Variants in GP1BB observed in about 807,000 individuals in gnomAD.
GP1BB encodes the protein glycoprotein Ib platelet subunit beta.
A neutral mutation model predicts 2.5 loss-of-function variants in GP1BB; 3 were observed. The observed-to-expected ratio is 1.22, with a 90% CI of 0.56 to 3.15. GP1BB has a LOEUF of 3.15. GP1BB is among the 30% of genes most tolerant of loss of function. The probability of loss-of-function intolerance (pLI) is 0.03; values close to 1 mark genes in which losing one functional copy is unlikely to be tolerated. For missense variants in GP1BB, 316 were observed against 307.0 expected, an observed-to-expected ratio of 1.03 and a Z score of -0.22; for synonymous variants, 191 against 167.5, an observed-to-expected ratio of 1.14 and a Z score of -1.08.
Position 19,724,035 on chromosome 22 carries a change from C to A in GP1BB, c.192C>A (p.Gly64=). 6.6e-7 allele frequency: 1 copy of A among 1,525,448 alleles called. No individual in the cohort carries two copies. The highest frequency in any genetic ancestry group is 8.7e-7 in the Non-Finnish European group (1 of 1,143,090). The allele number at this position is 1,525,448 out of a possible 1,614,324, so 94.5% of individuals were successfully genotyped here. A position where few individuals can be genotyped will look rare whatever the true frequency, so the allele number is the denominator to read the frequency against. Reference sequence around the variant, plus strand: ...ACACAACCGAGCTGGTGCTGACCGGCAACAACCTGACGGCGCTGCCGCCGG... The same window carrying A: ...ACACAACCGAGCTGGTGCTGACCGGAAACAACCTGACGGCGCTGCCGCCGG... ...PVDTTELVLT[G]NNLTALPPGL... Residue 64 remains glycine, a synonymous_variant, in exon 2 of 2, where the codon GGC becomes GGA. Coordinates refer to ENST00000366425, the MANE Select transcript of GP1BB (RefSeq NM_000407.5).
In GP1BB at chr22:19,723,896, C is replaced by A; in HGVS notation, c.53C>A (p.Pro18Gln). 6.6e-7 allele frequency: 1 copy of A among 1,521,864 alleles called. No individual in the cohort carries two copies. The highest frequency in any genetic ancestry group is 1.2e-5 in the South Asian group (1 of 82,740). The allele number at this position is 1,521,864 out of a possible 1,614,324, so 94.3% of individuals were successfully genotyped here. ...AGCTTACTGCTCCTGCTGCTGGCCC[C>A]GCCGAGCCGCCCGGCCGCAGGTTGC... ...ALSLLLLLLA[P>Q]PSRPAAGCPA... The change falls in exon 2 of 2, where the codon CCG (proline) becomes CAG (glutamine). Residue 18 changes from proline (P) to glutamine (Q), a missense_variant. Physicochemically the swap from Pro to Gln is moderately conservative, Grantham distance 76. Coordinates refer to ENST00000366425, the MANE Select transcript of GP1BB (RefSeq NM_000407.5).
chr22:19,724,241 C>G lies in GP1BB; in HGVS notation c.398C>G (p.Ala133Gly), dbSNP rs1192198635. The change falls in exon 2 of 2, where the codon GCC becomes GGC. Residue 133 changes from alanine to glycine, a missense_variant. Transcript: ENST00000366425. ...ALRGRLLPYL[A>G]EDELRAACAP... is the part of the protein sequence containing the mutation. The stretch of plus-strand genomic sequence containing the variant: ...CGCGGCCGCCTGCTGCCCTATCTGG[C>G]CGAGGACGAGCTGCGCGCCGCTTGC... The G allele has an allele frequency of 1.6e-6, 2 of 1,240,426 alleles. No homozygotes were observed. Among genetic ancestry groups the G allele is most frequent in the Non-Finnish European group, 2.0e-6 (2 of 996,180 alleles). 76.8% of individuals were successfully genotyped at this position (1,240,426 alleles called of 1,614,324 possible). A position where few individuals can be genotyped will look rare whatever the true frequency, so the allele number is the denominator to read the frequency against.
At position 19,724,735 on chromosome 22, in the gene GP1BB, T is replaced by G. The variant is rs1160742067; in HGVS notation, c.*271T>G. ...GGTCCAGACCCTGCTGCGTCTCCCTTCCAAACTCTGGTGCTGAATAAACCC... is the reference window on the plus strand; with the variant it reads ...GGTCCAGACCCTGCTGCGTCTCCCTGCCAAACTCTGGTGCTGAATAAACCC... On this transcript the variant is annotated 3_prime_UTR_variant, in exon 2 of 2. Transcript: ENST00000366425. The G allele has an allele frequency of 3.9e-6, 2 of 509,374 alleles. No individual in the cohort carries two copies. The highest frequency in any genetic ancestry group is 6.6e-5 in the Admixed American group (2 of 30,424). The allele number at this position is 509,374 out of a possible 1,614,324, so 31.6% of individuals were successfully genotyped here.
rs1403845044 is a variant in GP1BB at position 19,724,426 on chromosome 22, C to G, written c.583C>G (p.Pro195Ala). 6.5e-7 allele frequency: 1 copy of G among 1,544,416 alleles called. No individual in the cohort carries two copies. Among genetic ancestry groups the G allele is most frequent in the South Asian group, 1.2e-5 (1 of 83,822 alleles). The change falls in exon 2 of 2, where the codon CCG (proline) becomes GCG (alanine). Residue 195 changes from proline (P) to alanine (A), a missense_variant. Physicochemically the swap from Pro to Ala is conservative, Grantham distance 27. Coordinates refer to ENST00000366425, the MANE Select transcript of GP1BB (RefSeq NM_000407.5). ...CGCAGCCCGGCTGTCGCTGACCGAC[C>G]CGCTGGTGGCCGAGCGAGCCGGAAC... Reference protein sequence around the residue: ...RAAARLSLTDPLVAERAGTDE... With the variant: ...RAAARLSLTDALVAERAGTDE...
Position 19,724,450 on chromosome 22 carries a change from AC to A in GP1BB, c.609del (p.Asp204ThrfsTer11). The A allele has an allele frequency of 6.5e-7, 1 of 1,543,182 alleles. No individual in the cohort carries two copies. On this transcript the variant is annotated frameshift_variant, in exon 2 of 2. Coordinates refer to ENST00000366425, the MANE Select transcript of GP1BB (RefSeq NM_000407.5). LOFTEE classifies it high-confidence loss of function. ...CCCGCTGGTGGCCGAGCGAGCCGGA[AC>A]CGACGAGTCCTGAGGAGAGAACCGG... ...TDPLVAERAG[T>X]DES
At chr22:19,723,820 G>A (rs1936107637) in intron 1 of GP1BB, 34 bp from the exon 2 acceptor site, 2 of 1,511,386 alleles carry the variant, frequency 1.3e-6, no homozygotes, top group South Asian at 1.2e-5. Context: ...GGTGCCCGCC[G>A]ACCGCTCGGC....
chr22:19,724,570 C>T lies in GP1BB; in HGVS notation c.*106C>T. On this transcript the variant is annotated 3_prime_UTR_variant, in exon 2 of 2. Coordinates refer to ENST00000366425, the MANE Select transcript of GP1BB (RefSeq NM_000407.5). ...GGCCCTCGCGCCAACCTGGACCGGTCCCCGCCTCCTCCGCTGCCCAATCTC... is the reference window on the plus strand; with the variant it reads ...GGCCCTCGCGCCAACCTGGACCGGTTCCCGCCTCCTCCGCTGCCCAATCTC... 1 of 811,078 alleles carries T rather than the reference C, an allele frequency of 1.2e-6. No homozygotes were observed. Among genetic ancestry groups the T allele is most frequent in the Non-Finnish European group, 2.1e-6 (1 of 480,784 alleles). 50.2% of individuals were successfully genotyped at this position (811,078 alleles called of 1,614,324 possible). A position where few individuals can be genotyped will look rare whatever the true frequency, so the allele number is the denominator to read the frequency against.
In GP1BB at chr22:19,724,347, G is replaced by A; in HGVS notation, c.504G>A (p.Leu168=). The change falls in exon 2 of 2, where the codon CTG becomes CTA. Residue 168 remains leucine, a synonymous_variant. Coordinates refer to ENST00000366425, the MANE Select transcript of GP1BB (RefSeq NM_000407.5). ...LGLGLLHALL[L]VLLLCRLRRL... ...TTGGGCTGCTGCACGCGTTGCTGCT[G>A]GTGCTGCTGCTGTGCCGCCTGCGGA... The A allele has an allele frequency of 1.4e-6, 2 of 1,470,942 alleles. No homozygotes were observed. The highest frequency in any genetic ancestry group is 1.5e-5 in the African/African-American group (1 of 67,536). The allele number at this position is 1,470,942 out of a possible 1,614,324, so 91.1% of individuals were successfully genotyped here. A position where few individuals can be genotyped will look rare whatever the true frequency, so the allele number is the denominator to read the frequency against.
At chr22:19,723,690 G>GGACT (rs1936104140) in intron 1 of GP1BB, 111 bp downstream of exon 1, 1 of 1,384,750 alleles carries the variant, frequency 7.2e-7, no homozygotes, top group South Asian at 1.3e-5. Flanking sequence ...GACTTAGAGG[G>GGACT]GACTTCCAGC....
Position 19,724,707 on chromosome 22 carries a change from T to A in GP1BB, c.*243T>A. The A allele has an allele frequency of 1.8e-6, 1 of 570,334 alleles. No individual in the cohort carries two copies. The highest frequency in any genetic ancestry group is 2.9e-5 in the Admixed American group (1 of 35,014). 35.3% of individuals were successfully genotyped at this position (570,334 alleles called of 1,614,324 possible). On this transcript the variant is annotated 3_prime_UTR_variant, in exon 2 of 2. Transcript: ENST00000366425. ...GGCTTGGGAGGACCATGGGGCACAA[T>A]GCGGTCCAGACCCTGCTGCGTCTCC...
In GP1BB at chr22:19,724,182, C is replaced by T; in HGVS notation, c.339C>T (p.Tyr113=). Residue 113 remains tyrosine, a synonymous_variant, in exon 2 of 2, where the codon TAC becomes TAT. Transcript: ENST00000366425. ...WLAGRPERAP[Y]RDLRCVAPPA... ...CCGGCCGCCCCGAGCGTGCGCCCTACCGCGACCTGCGTTGCGTGGCGCCCC... is the reference window on the plus strand; with the variant it reads ...CCGGCCGCCCCGAGCGTGCGCCCTATCGCGACCTGCGTTGCGTGGCGCCCC... 8.0e-7 allele frequency: 1 copy of T among 1,257,816 alleles called. No individual in the cohort carries two copies. The highest frequency in any genetic ancestry group is 9.9e-7 in the Non-Finnish European group (1 of 1,005,946). The allele number at this position is 1,257,816 out of a possible 1,614,324, so 77.9% of individuals were successfully genotyped here. A position where few individuals can be genotyped will look rare whatever the true frequency, so the allele number is the denominator to read the frequency against.
chr22:19,724,272 C>A lies in GP1BB; in HGVS notation c.429C>A (p.Pro143=). 6 of 1,268,284 alleles carry A rather than the reference C, an allele frequency of 4.7e-6. No homozygotes were observed. Among genetic ancestry groups the A allele is most frequent in the Non-Finnish European group, 4.9e-6 (5 of 1,012,340 alleles). 78.6% of individuals were successfully genotyped at this position (1,268,284 alleles called of 1,614,324 possible). ...ACGAGCTGCGCGCCGCTTGCGCTCCCGGCCCGCTCTGCTGGGGGGCGCTGG... is the reference window on the plus strand; with the variant it reads ...ACGAGCTGCGCGCCGCTTGCGCTCCAGGCCCGCTCTGCTGGGGGGCGCTGG... ...AEDELRAACA[P]GPLCWGALAA... Residue 143 remains proline, a synonymous_variant, in exon 2 of 2, where the codon CCC becomes CCA. Transcript: ENST00000366425.
In GP1BB at chr22:19,724,461, C is replaced by G; in HGVS notation, c.618C>G (p.Ser206=). The part of the protein sequence containing the change: ...LVAERAGTDE[S] ...CCGAGCGAGCCGGAACCGACGAGTCCTGAGGAGAGAACCGGTGCGTCCTGA... is the reference window on the plus strand; with the variant it reads ...CCGAGCGAGCCGGAACCGACGAGTCGTGAGGAGAGAACCGGTGCGTCCTGA... Residue 206 remains serine (S), a synonymous_variant, in exon 2 of 2, where the codon TCC becomes TCG. Transcript: ENST00000366425. 2 of 1,538,038 alleles carry G rather than the reference C, an allele frequency of 1.3e-6. No homozygotes were observed. Among genetic ancestry groups the G allele is most frequent in the South Asian group, 1.2e-5 (1 of 83,822 alleles).
chr22:19,724,265 G>C lies in GP1BB; in HGVS notation c.422G>C (p.Cys141Ser), dbSNP rs1936119706. The C allele has an allele frequency of 4.8e-6, 6 of 1,250,426 alleles. No individual in the cohort carries two copies. The highest frequency in any genetic ancestry group is 6.0e-6 in the Non-Finnish European group (6 of 1,001,578). 77.5% of individuals were successfully genotyped at this position (1,250,426 alleles called of 1,614,324 possible). A position where few individuals can be genotyped will look rare whatever the true frequency, so the allele number is the denominator to read the frequency against. ...GCCGAGGACGAGCTGCGCGCCGCTT[G>C]CGCTCCCGGCCCGCTCTGCTGGGGG... The part of the protein sequence containing the change: ...YLAEDELRAA[C>S]APGPLCWGAL... Residue 141 changes from cysteine to serine, a missense_variant, in exon 2 of 2, where the codon TGC (cysteine) becomes TCC (serine). Cys to Ser is a moderately radical substitution (Grantham distance 112, BLOSUM62 -1). Coordinates refer to ENST00000366425, the MANE Select transcript of GP1BB (RefSeq NM_000407.5).
rs963337798 is a variant in GP1BB, at chr22:19,724,583, G to T, written c.*119G>T. 8 of 750,020 alleles carry T rather than the reference G, an allele frequency of 1.1e-5. No homozygotes were observed. The African/African-American group carries it at 1.2e-4, about 11-fold the overall frequency. The allele number at this position is 750,020 out of a possible 1,614,324, so 46.5% of individuals were successfully genotyped here. On this transcript the variant is annotated 3_prime_UTR_variant, in exon 2 of 2. Transcript: ENST00000366425. ...ACCTGGACCGGTCCCCGCCTCCTCC[G>T]CTGCCCAATCTCTCAGACCCACCCC... is the stretch of plus-strand genomic sequence containing the variant.
In GP1BB at chr22:19,724,478, G is replaced by T; in HGVS notation, c.*14G>T. ...GACGAGTCCTGAGGAGAGAACCGGT[G>T]CGTCCTGAGGAGAGAACCGGCGCTG... is the stretch of plus-strand genomic sequence containing the variant. On this transcript the variant is annotated 3_prime_UTR_variant, in exon 2 of 2. Transcript: ENST00000366425. 2 of 1,503,268 alleles carry T rather than the reference G, an allele frequency of 1.3e-6. No homozygotes were observed. The highest frequency in any genetic ancestry group is 2.4e-5 in the South Asian group (2 of 83,140). 93.1% of individuals were successfully genotyped at this position (1,503,268 alleles called of 1,614,324 possible). A position where few individuals can be genotyped will look rare whatever the true frequency, so the allele number is the denominator to read the frequency against.
chr22:19,723,779 C>T (rs1298815908), intron 1 of GP1BB, 75 bp from the exon 2 acceptor site: 2 of 1,412,460 alleles, frequency 1.4e-6, no homozygotes, highest in Non-Finnish European at 1.9e-6. Flanking sequence ...GGAGCCGGGC[C>T]GGCAGTCTGG....
In GP1BB at chr22:19,724,185, C is replaced by G; in HGVS notation, c.342C>G (p.Arg114=). Residue 114 remains arginine (R), a synonymous_variant, in exon 2 of 2, where the codon CGC becomes CGG. Transcript: ENST00000366425. ...LAGRPERAPY[R]DLRCVAPPAL... The stretch of plus-strand genomic sequence containing the variant: ...GCCGCCCCGAGCGTGCGCCCTACCG[C>G]GACCTGCGTTGCGTGGCGCCCCCAG... 5 of 1,254,378 alleles carry G rather than the reference C, an allele frequency of 4.0e-6. No homozygotes were observed. Among genetic ancestry groups the G allele is most frequent in the Non-Finnish European group, 5.0e-6 (5 of 1,004,198 alleles). 77.7% of individuals were successfully genotyped at this position (1,254,378 alleles called of 1,614,324 possible).
In GP1BB at chr22:19,723,558, C is replaced by G. The variant is rs373634347; in HGVS notation, c.-12C>G. The G allele has an allele frequency of 2.6e-5, 41 of 1,593,846 alleles. No individual in the cohort carries two copies. The highest frequency in any genetic ancestry group is 1.7e-4 in the Middle Eastern group (1 of 5,892). Reference sequence around the variant, plus strand: ...CCCGCTGCAGAGTAAGCCGGGCTGCCGTCTTCTCGCCATGGGCTCCGGTGA... The same window carrying G: ...CCCGCTGCAGAGTAAGCCGGGCTGCGGTCTTCTCGCCATGGGCTCCGGTGA... On this transcript the variant is annotated 5_prime_UTR_variant, in exon 1 of 2. Coordinates refer to ENST00000366425, the MANE Select transcript of GP1BB (RefSeq NM_000407.5).
Sources: allele counts gnomAD v4.1 joint callset, GRCh38; gene constraint gnomAD v4.1.1; transcripts MANE v1.5; gene names NCBI Gene and HGNC (gene_info 2026-07-23, HGNC 2026-07-21).